ADSS2: variants seen among roughly 807,000 people sequenced by gnomAD.
ADSS2 encodes the protein adenylosuccinate synthase 2.
In ADSS2, 30 loss-of-function variants were observed where a neutral mutation model predicts 60.0. The ratio of observed to expected loss-of-function variants is 0.50; its 90% CI spans 0.37 to 0.68. ADSS2 has a LOEUF of 0.68. Ranked by LOEUF, ADSS2 falls within the 30% of genes least tolerant of loss-of-function variation. ADSS2 has a pLI of 0.00. For synonymous variants in ADSS2, 187 were observed against 193.1 expected (o/e 0.97, Z 0.26); for missense variants, 373 against 554.8 (o/e 0.67, Z 3.29).
chr1:244,418,715 A>T, intron 9 of ADSS2, 45 bp downstream of exon 9: 1 of 1,513,196 alleles, frequency 6.6e-7, no homozygotes, highest in Non-Finnish European at 8.9e-7. Context: ...AAAAAGAAGA[A>T]TGAATTTTTA....
chr1:244,433,628 C>T (rs1205808687), intron 3 of ADSS2, among the ~76,000 whole-genome samples: 4 of 152,080 alleles, frequency 2.6e-5, no homozygotes, highest in Non-Finnish European at 4.4e-5. Context: ...GAGGCCAAGG[C>T]GGGCGGATCA....
At chr1:244,416,570 T>A (rs534447251) in intron 10 of ADSS2, among the ~76,000 whole-genome samples, 1 of 152,104 alleles carries the variant, frequency 6.6e-6, no homozygotes, top group Non-Finnish European at 1.5e-5. Context: ...TCCTCCTGCC[T>A]CTCGGCCTCC....
At chr1:244,438,040 G>A (rs1488314112) in intron 1 of ADSS2, among the ~76,000 whole-genome samples, 1 of 151,990 alleles carries the variant, frequency 6.6e-6, no homozygotes, top group Non-Finnish European at 1.5e-5. Flanking sequence ...CTTAAAAGAG[G>A]GGAAAAAAAG....
At position 244,411,307 on chromosome 1, in the gene ADSS2, T is replaced by TCAATAAATCGAA; in HGVS notation, c.1286_1297dup (p.Val429_Ile432dup). 6.2e-7 allele frequency: 1 copy of TCAATAAATCGAA among 1,611,816 alleles called. No homozygotes were observed. On this transcript the variant is annotated inframe_insertion, in exon 12 of 13. Transcript: ENST00000366535. ...TTTACCTGGAATTTGAAGCTCATCTTCAATAAATCGAACATAGTTTTGTGC... is the reference window on the plus strand; with the variant it reads ...TTTACCTGGAATTTGAAGCTCATCTTCAATAAATCGAACAATAAATCGAACATAGTTTTGTGC...
chr1:244,424,028 A>G lies in ADSS2; in HGVS notation c.506T>C (p.Val169Ala), dbSNP rs771401174. 1 of 1,613,188 alleles carries G rather than the reference A, an allele frequency of 6.2e-7. No homozygotes were observed. Among genetic ancestry groups the G allele is most frequent in the Non-Finnish European group, 8.5e-7 (1 of 1,179,646 alleles). Reference sequence around the variant, plus strand: ...ACTCCGAGCAGCTTTGGACGAATAAACTGGGCCAATGCCCTTTTTTGTTGT... The same window carrying G: ...ACTCCGAGCAGCTTTGGACGAATAAGCTGGGCCAATGCCCTTTTTTGTTGT... ...LGTTKKGIGP[V>A]YSSKAARSGL... Residue 169 changes from valine (V) to alanine (A), a missense_variant, in exon 6 of 13, where the codon GTT becomes GCT. Val to Ala is a moderately conservative substitution (Grantham distance 64). This residue lies in a region of ADSS2 where 139 missense variants were observed against 189.4 expected (regional missense o/e 0.73). Transcript: ENST00000366535.
chr1:244,441,381 C>G (rs1665244744), intron 1 of ADSS2, among the ~76,000 whole-genome samples: 1 of 152,064 alleles, frequency 6.6e-6, no homozygotes, highest in South Asian at 2.1e-4. Context: ...AAAAATAACT[C>G]ACAGGATAAT....
At chr1:244,410,316 C>T (rs753215796) in intron 12 of ADSS2, among the ~76,000 whole-genome samples, 1 of 152,182 alleles carries the variant, frequency 6.6e-6, no homozygotes, top group Non-Finnish European at 1.5e-5. Context: ...ACGGAGGACA[C>T]ATCCCACACA....
rs374703688 is a variant in ADSS2 at position 244,451,369 on chromosome 1, G to A, written c.183+266C>T. Among the ~76,000 whole-genome samples the A allele has an allele frequency of 2.9e-3, 439 of 152,262 alleles. No homozygotes were observed. Among genetic ancestry groups the A allele is most frequent in the Middle Eastern group, 0.017 (5 of 294 alleles). The stretch of plus-strand genomic sequence containing the variant: ...CCAGACGCAAAACTGCAACTGCCAG[G>A]CATCGCGCATCTCTCAAAGGCTCCC... On this transcript the variant is annotated intron_variant, in intron 1 of 12. Coordinates refer to ENST00000366535, the MANE Select transcript of ADSS2 (RefSeq NM_001126.5). The surrounding 1 kb of genome is among the most constrained non-coding windows in gnomAD (Gnocchi z 6.6).
chr1:244,446,708 C>T (rs567213603), intron 1 of ADSS2, among the ~76,000 whole-genome samples: 1 of 152,276 alleles, frequency 6.6e-6, no homozygotes, highest in East Asian at 1.9e-4. Context: ...CTCTAATATT[C>T]TTTCACACTC....
chr1:244,417,392 T>C (rs1664557902), intron 10 of ADSS2, among the ~76,000 whole-genome samples: 1 of 152,202 alleles, frequency 6.6e-6, no homozygotes, highest in South Asian at 2.1e-4. Flanking sequence ...TGCCTGCCTC[T>C]ATACTTAGAG....
In ADSS2 at chr1:244,422,897, G is replaced by C. The variant is rs1440069567; in HGVS notation, c.601C>G (p.Gln201Glu). 2.7e-5 allele frequency: 43 copies of C among 1,589,606 alleles called. No individual in the cohort carries two copies. Among genetic ancestry groups the C allele is most frequent in the Non-Finnish European group, 3.5e-5 (41 of 1,159,308 alleles). The change falls in exon 7 of 13, where the codon CAA (glutamine) becomes GAA (glutamate). Residue 201 changes from glutamine (Q) to glutamate (E), a missense_variant. Coordinates refer to ENST00000366535, the MANE Select transcript of ADSS2 (RefSeq NM_001126.5). ...AAAGTGGGGTATATAGATTTGTATTGGTTAGCTAGAACTTTAAACCTGAGA... is the reference window on the plus strand; with the variant it reads ...AAAGTGGGGTATATAGATTTGTATTCGTTAGCTAGAACTTTAAACCTGAGA... The part of the protein sequence containing the change: ...FSERFKVLAN[Q>E]YKSIYPTLEI...
chr1:244,412,507 G>A (rs1664437886), intron 11 of ADSS2, among the ~76,000 whole-genome samples: 1 of 152,162 alleles, frequency 6.6e-6, no homozygotes, highest in African/African-American at 2.4e-5. Context: ...CTCTATCTGA[G>A]GCACTGAGAT....
chr1:244,426,372 C>T (rs1390304354), intron 4 of ADSS2, among the ~76,000 whole-genome samples: 1 of 152,132 alleles, frequency 6.6e-6, no homozygotes, highest in Non-Finnish European at 1.5e-5. Context: ...TGTCATAGAA[C>T]TAATGCTTTC....
At chr1:244,435,698 C>T (rs1316202955) in intron 3 of ADSS2, among the ~76,000 whole-genome samples, 2 of 152,120 alleles carry the variant, frequency 1.3e-5, no homozygotes, top group African/African-American at 2.4e-5. Context: ...TTTACCAACA[C>T]CAACATTCTT....
intron 4 of ADSS2, among the ~76,000 whole-genome samples, chr1:244,429,677 C>T (rs1223477008): frequency 6.6e-6 from 1 of 152,058 alleles, no homozygotes; most frequent in Non-Finnish European, 1.5e-5. Context: ...GTCAGGAGTT[C>T]AAGACCAGCC....
At chr1:244,431,078 C>T (rs1441376624) in intron 4 of ADSS2, among the ~76,000 whole-genome samples, 1 of 151,930 alleles carries the variant, frequency 6.6e-6, no homozygotes, top group Non-Finnish European at 1.5e-5. Context: ...GAGATCACCC[C>T]ACTGCACTCC....
upstream of ADSS2, chr1:244,452,054 G>A (rs367782386): frequency 4.6e-5 from 17 of 370,312 alleles, no homozygotes; most frequent in Middle Eastern, 7.1e-4. Flanking sequence ...ACCGCCCGCA[G>A]GAAGAGGCCC....
At chr1:244,420,603 T>C (rs1260915156) in intron 7 of ADSS2, among the ~76,000 whole-genome samples, 1 of 152,198 alleles carries the variant, frequency 6.6e-6, no homozygotes, top group Non-Finnish European at 1.5e-5. Context: ...AAACCAGCTT[T>C]CAGGAAAATA....
chr1:244,427,916 A>G (rs1664844306), intron 4 of ADSS2, among the ~76,000 whole-genome samples: 1 of 152,160 alleles, frequency 6.6e-6, no homozygotes, highest in Admixed American at 6.5e-5. Flanking sequence ...GGAAAGGTTC[A>G]ATGCATCAAA....
Sources: gnomAD v4.1 joint callset for allele counts (sites outside exome capture counted in the v4.1 genomes callset) on GRCh38, gnomAD v4.1.1 for gene constraint, gnomAD v4.1.1 regional missense constraint, Gnocchi (gnomAD v3.1) non-coding constraint, MANE v1.5 for transcripts, NCBI Gene and HGNC (gene_info 2026-07-23, HGNC 2026-07-21) for gene names.